S100A9: variants seen among roughly 807,000 people sequenced by gnomAD.
S100A9 encodes the protein protein S100-A9.
Under a neutral mutation model 4.3 loss-of-function variants are expected in S100A9, and 2 were observed. That is an observed-to-expected ratio of 0.47 (90% confidence interval 0.19 to 1.48). The LOEUF (loss-of-function observed/expected upper bound fraction) is 1.48. Ranked by LOEUF, S100A9 falls within the 40% of genes most tolerant of loss-of-function variation. The pLI is 0.24. For synonymous variants in S100A9, 67 were observed against 54.0 expected (o/e 1.24, Z -1.06); for missense variants, 130 against 144.4 (o/e 0.90, Z 0.51).
chr1:153,359,941 G>A (rs549860501), intron 2 of S100A9, among the ~76,000 whole-genome samples: 11 of 151,908 alleles, frequency 7.2e-5, no homozygotes, highest in African/African-American at 1.7e-4. Flanking sequence ...TGCCTGCCTC[G>A]GCCTCCCAAA....
intron 1 of S100A9, 56 bp from the exon 2 acceptor site, chr1:153,358,213 G>A: frequency 8.0e-7 from 1 of 1,254,222 alleles, no homozygotes; most frequent in Non-Finnish European, 1.1e-6. Flanking sequence ...AAGTGTCAAA[G>A]AAGCTTGACA....
chr1:153,360,053 C>T (rs776708899), intron 2 of S100A9, among the ~76,000 whole-genome samples: 1 of 152,068 alleles, frequency 6.6e-6, no homozygotes, highest in South Asian at 2.1e-4. Context: ...CTCTCTGACC[C>T]TCCATCTCCC....
In S100A9 at chr1:153,360,909, A is replaced by T. The variant is rs921247944; in HGVS notation, c.*71A>T. Reference sequence around the variant, plus strand: ...CATGGTGGCCACGGCCACAGCCACTAATCAGGAGGCCAGGCCACCCTGCCT... The same window carrying T: ...CATGGTGGCCACGGCCACAGCCACTTATCAGGAGGCCAGGCCACCCTGCCT... On this transcript the variant is annotated 3_prime_UTR_variant, in exon 3 of 3. Coordinates refer to ENST00000368738, the MANE Select transcript of S100A9 (RefSeq NM_002965.4). 24 of 1,259,400 alleles carry T rather than the reference A, an allele frequency of 1.9e-5. No homozygotes were observed. In the Admixed American group the frequency reaches 5.3e-4, roughly 28 times the overall value. 78.0% of individuals were successfully genotyped at this position (1,259,400 alleles called of 1,614,324 possible). A position where few individuals can be genotyped will look rare whatever the true frequency, so the allele number is the denominator to read the frequency against.
chr1:153,358,923 C>T (rs926081371), intron 2 of S100A9, among the ~76,000 whole-genome samples: 3 of 151,982 alleles, frequency 2.0e-5, no homozygotes, highest in Non-Finnish European at 4.4e-5. Flanking sequence ...GAGGATGACA[C>T]TTGGCACAAA....
chr1:153,358,109 CAT>C (rs1227850181), intron 1 of S100A9, among the ~76,000 whole-genome samples, 158 bp from the exon 2 acceptor site: 1 of 152,218 alleles, frequency 6.6e-6, no homozygotes. Flanking sequence ...TCATTTTGTA[CAT>C]GTGTGTGACA....
rs749255563 is a variant in S100A9, at chr1:153,360,862, TGGCCAC to T, written c.*37_*42del. The T allele has an allele frequency of 1.6e-5, 24 of 1,538,492 alleles. No individual in the cohort carries two copies. The highest frequency in any genetic ancestry group is 1.4e-5 in the Non-Finnish European group (16 of 1,135,112). On this transcript the variant is annotated 3_prime_UTR_variant, in exon 3 of 3. Transcript: ENST00000368738. Reference sequence around the variant, plus strand: ...AAGACCACAGTGGCCAAGATCACAGTGGCCACGGCCACGGCCACAGTCATGGTGGCC... The same window carrying T: ...AAGACCACAGTGGCCAAGATCACAGTGGCCACGGCCACAGTCATGGTGGCC...
rs1475466383 is a variant in S100A9 at position 153,358,264 on chromosome 1, C to T, written c.-15-5C>T. 1.3e-6 allele frequency: 2 copies of T among 1,545,458 alleles called. No individual in the cohort carries two copies. Among genetic ancestry groups the T allele is most frequent in the Non-Finnish European group, 1.8e-6 (2 of 1,136,746 alleles). On this transcript the variant is annotated splice_polypyrimidine_tract_variant and splice_region_variant and intron_variant, in intron 1 of 2. Transcript: ENST00000368738. ...TGTCCCAACTCTTGGTTTTCCATTA[C>T]ACAGACAGAGTGCAAGACGATGACT...
rs199809903 is a variant in S100A9, at chr1:153,358,282, C to T, written c.-2C>T. 5.7e-6 allele frequency: 9 copies of T among 1,590,678 alleles called. No individual in the cohort carries two copies. Among genetic ancestry groups the T allele is most frequent in the Middle Eastern group, 1.7e-4 (1 of 5,960 alleles). On this transcript the variant is annotated 5_prime_UTR_variant, in exon 2 of 3. In the 5' UTR this introduces an upstream ATG that the reference lacks. Coordinates refer to ENST00000368738, the MANE Select transcript of S100A9 (RefSeq NM_002965.4). ...TCCATTACACAGACAGAGTGCAAGACGATGACTTGCAAAATGTCGCAGCTG... is the reference window on the plus strand; with the variant it reads ...TCCATTACACAGACAGAGTGCAAGATGATGACTTGCAAAATGTCGCAGCTG...
intron 2 of S100A9, among the ~76,000 whole-genome samples, chr1:153,359,680 CTTTT>C (rs34039196): frequency 4.8e-5 from 4 of 83,914 alleles, no homozygotes; most frequent in Admixed American, 1.5e-4. Flanking sequence ...GATGTCTCTC[CTTTT>C]TTTTTTTTTT....
At chr1:153,360,502 C>T (rs958696997) in intron 2 of S100A9, 142 bp from the exon 3 acceptor site, 15 of 603,026 alleles carry the variant, frequency 2.5e-5, no homozygotes, top group Middle Eastern at 3.6e-4. Flanking sequence ...TGTGCGCACT[C>T]AGCCTATGGT....
chr1:153,358,465 C>A (rs779246665), intron 2 of S100A9, 32 bp downstream of exon 2: 4 of 1,535,376 alleles, frequency 2.6e-6, no homozygotes, highest in Admixed American at 4.0e-5. Flanking sequence ...TCTGACCCAG[C>A]CTCACCGCAG....
At chr1:153,358,542 A>G in intron 2 of S100A9, 109 bp downstream of exon 2, 1 of 877,606 alleles carries the variant, frequency 1.1e-6, no homozygotes, top group Non-Finnish European at 1.7e-6. Flanking sequence ...GAGCTCCTGG[A>G]GCCCAGCCCC....
chr1:153,359,415 C>T (rs534257575), intron 2 of S100A9, among the ~76,000 whole-genome samples: 2 of 152,274 alleles, frequency 1.3e-5, no homozygotes, highest in African/African-American at 4.8e-5. Context: ...GGCCGCATGG[C>T]AAAACTATCC....
chr1:153,358,958 C>A (rs899991485), intron 2 of S100A9, among the ~76,000 whole-genome samples: 1 of 151,542 alleles, frequency 6.6e-6, no homozygotes, highest in Non-Finnish European at 1.5e-5. Context: ...AAGCCTCAGG[C>A]GGGAACTTGG....
chr1:153,360,831 C>A lies in S100A9; in HGVS notation c.338C>A (p.Thr113Asn). The A allele has an allele frequency of 6.3e-7, 1 of 1,598,704 alleles. No individual in the cohort carries two copies. The highest frequency in any genetic ancestry group is 8.5e-7 in the Non-Finnish European group (1 of 1,171,510). ...CATAAGCCAGGCCTCGGGGAGGGCA[C>A]CCCCTAAGACCACAGTGGCCAAGAT... ...HHHKPGLGEG[T>N]P Residue 113 changes from threonine to asparagine, a missense_variant, in exon 3 of 3, where the codon ACC becomes AAC. Thr to Asn is a moderately conservative substitution (Grantham distance 65). Transcript: ENST00000368738.
intron 2 of S100A9, among the ~76,000 whole-genome samples, chr1:153,359,731 C>A (rs1661414240): frequency 6.8e-6 from 1 of 146,854 alleles, no homozygotes; most frequent in Non-Finnish European, 1.5e-5. Flanking sequence ...TCTTATTGCC[C>A]AGGCTGGAGT....
intron 2 of S100A9, 45 bp from the exon 3 acceptor site, chr1:153,360,599 C>T (rs372883418): frequency 4.0e-5 from 55 of 1,390,436 alleles, no homozygotes; most frequent in Non-Finnish European, 5.3e-5. Flanking sequence ...CAGTCCCCAC[C>T]TCTGGCCACA....
At position 153,358,276 on chromosome 1, in the gene S100A9, G is replaced by A. The variant is rs1415020780; in HGVS notation, c.-8G>A. ...TGGTTTTCCATTACACAGACAGAGTGCAAGACGATGACTTGCAAAATGTCG... is the reference window on the plus strand; with the variant it reads ...TGGTTTTCCATTACACAGACAGAGTACAAGACGATGACTTGCAAAATGTCG... On this transcript the variant is annotated 5_prime_UTR_variant, in exon 2 of 3. Coordinates refer to ENST00000368738, the MANE Select transcript of S100A9 (RefSeq NM_002965.4). The A allele has an allele frequency of 1.3e-6, 2 of 1,588,324 alleles. No individual in the cohort carries two copies. Among genetic ancestry groups the A allele is most frequent in the Non-Finnish European group, 8.6e-7 (1 of 1,162,854 alleles).
Position 153,358,069 on chromosome 1 carries a change from T to A in S100A9, c.-16+188T>A, listed in dbSNP as rs1341598904. On this transcript the variant is annotated intron_variant, in intron 1 of 2. Coordinates refer to ENST00000368738, the MANE Select transcript of S100A9 (RefSeq NM_002965.4). ...GGCCTCCTGCCCTCAAATGCTTTGC[T>A]TTTTGGCACTCTGTAGATATTCTAA... 1.3e-5 allele frequency among the ~76,000 whole-genome samples: 2 copies of A among 152,278 alleles called. 1 individual carries two copies. The highest frequency in any genetic ancestry group is 1.3e-4 in the Admixed American group (2 of 15,292).
Sources: allele counts gnomAD v4.1 joint callset (sites outside exome capture counted in the v4.1 genomes callset), GRCh38; gene constraint gnomAD v4.1.1; transcripts MANE v1.5; gene names NCBI Gene and HGNC (gene_info 2026-07-23, HGNC 2026-07-21).